MITF: variants seen among roughly 807,000 people sequenced by gnomAD.
The protein encoded by MITF is microphthalmia-associated transcription factor.
Under a neutral mutation model 60.5 loss-of-function variants are expected in MITF, and 17 were observed. The observed-to-expected ratio is 0.28, with a 90% CI of 0.19 to 0.42. The LOEUF (loss-of-function observed/expected upper bound fraction) is 0.42, where lower values mean the gene tolerates loss of function less well. Ranked by LOEUF, MITF falls within the 10% of genes least tolerant of loss-of-function variation. The pLI is 1.00. For synonymous variants in MITF, 260 were observed against 248.5 expected (o/e 1.05, Z -0.43); for missense variants, 622 against 683.5 (o/e 0.91, Z 1.00).
intron 2 of MITF, among the ~76,000 whole-genome samples, chr3:69,932,142 G>A (rs1026491893): frequency 6.6e-6 from 1 of 152,148 alleles, no homozygotes; most frequent in African/African-American, 2.4e-5. Context: ...CTAGTTTGGT[G>A]AAACTTTCCT....
intron 1 of MITF, among the ~76,000 whole-genome samples, chr3:69,820,787 A>G (rs1329538456): frequency 6.6e-6 from 1 of 152,178 alleles, no homozygotes; most frequent in Admixed American, 6.5e-5. Flanking sequence ...TTTGGGCAAC[A>G]TCGTGAAAAG....
At chr3:69,794,985 T>G (rs1467485545) in intron 1 of MITF, among the ~76,000 whole-genome samples, 1 of 152,336 alleles carries the variant, frequency 6.6e-6, no homozygotes, top group East Asian at 1.9e-4. Flanking sequence ...TATGAATAAT[T>G]TATTCAATCT....
chr3:69,900,636 CT>C (rs1202845932), intron 2 of MITF, among the ~76,000 whole-genome samples: 1 of 152,062 alleles, frequency 6.6e-6, no homozygotes, highest in Non-Finnish European at 1.5e-5. Context: ...GCAGCCAGCC[CT>C]TTTTTTGTTA....
intron 1 of MITF, among the ~76,000 whole-genome samples, chr3:69,847,555 G>A (rs780330691): frequency 6.6e-6 from 1 of 152,184 alleles, no homozygotes; most frequent in Admixed American, 6.5e-5. Flanking sequence ...TTAACTCCAA[G>A]AGTGTGTTAC....
At chr3:69,787,602 G>C (rs145916092) in intron 1 of MITF, among the ~76,000 whole-genome samples, 8 of 152,160 alleles carry the variant, frequency 5.3e-5, no homozygotes, top group Non-Finnish European at 1.2e-4. Context: ...GTATCTGGCC[G>C]TGGTTTTCTA....
intron 9 of MITF, among the ~76,000 whole-genome samples, chr3:69,959,655 T>C (rs1388326949): frequency 2.0e-5 from 3 of 152,220 alleles, no homozygotes; most frequent in Non-Finnish European, 2.9e-5. Context: ...GAGCTGCCCA[T>C]GGCACGCATT....
At chr3:69,946,241 A>T (rs1344217166) in intron 5 of MITF, among the ~76,000 whole-genome samples, 1 of 152,188 alleles carries the variant, frequency 6.6e-6, no homozygotes, top group Non-Finnish European at 1.5e-5. Context: ...TCACATAGCA[A>T]GTTCGTAAAG....
chr3:69,847,938 C>G (rs1264624078), intron 1 of MITF, among the ~76,000 whole-genome samples: 1 of 152,192 alleles, frequency 6.6e-6, no homozygotes, highest in South Asian at 2.1e-4. Flanking sequence ...AGAGCTCTTT[C>G]CACATTTAAT....
intron 2 of MITF, among the ~76,000 whole-genome samples, chr3:69,883,084 T>C (rs560079179): frequency 2.6e-5 from 4 of 152,314 alleles, no homozygotes; most frequent in Non-Finnish European, 4.4e-5. Context: ...CCTTGAATTT[T>C]TCTGTTCTGC....
intron 2 of MITF, among the ~76,000 whole-genome samples, chr3:69,913,182 A>G (rs1354007321): frequency 1.3e-5 from 2 of 152,124 alleles, no homozygotes; most frequent in Non-Finnish European, 2.9e-5. Context: ...TTAGCCTATA[A>G]ATAAAGCAGA....
At chr3:69,941,727 C>G (rs1045115182) in intron 5 of MITF, among the ~76,000 whole-genome samples, 4 of 152,128 alleles carry the variant, frequency 2.6e-5, no homozygotes, top group Admixed American at 2.6e-4. Context: ...TTCTCATATT[C>G]TTAGGTGATA....
At chr3:69,775,827 A>T (rs1217893401) in intron 1 of MITF, among the ~76,000 whole-genome samples, 2 of 152,224 alleles carry the variant, frequency 1.3e-5, no homozygotes, top group African/African-American at 4.8e-5. Flanking sequence ...CTGTGTGTAA[A>T]AAAGAAAAGC....
intron 2 of MITF, among the ~76,000 whole-genome samples, chr3:69,895,808 TTGTGTGTGTGTGTGTGTGTGTG>T (rs35088149): frequency 1.9e-3 from 264 of 140,144 alleles, no homozygotes; most frequent in African/African-American, 6.8e-3. Flanking sequence ...TGTGGAGTGT[TTGTGTGTGTGTGTGTGTGTGTG>T]TGTGTGTGTG....
intron 2 of MITF, among the ~76,000 whole-genome samples, chr3:69,885,051 A>AG (rs1053620498): frequency 9.2e-5 from 14 of 152,058 alleles, no homozygotes; most frequent in African/African-American, 3.4e-4. Context: ...CATGTAACTG[A>AG]GGGGTACAGC....
intron 1 of MITF, among the ~76,000 whole-genome samples, chr3:69,815,122 T>C (rs1200228834): frequency 2.0e-5 from 3 of 152,140 alleles, no homozygotes; most frequent in African/African-American, 4.8e-5. Flanking sequence ...AAATACAATA[T>C]GACCCAAGAC....
intron 1 of MITF, among the ~76,000 whole-genome samples, chr3:69,781,389 CT>C (rs560538878): frequency 1.7e-3 from 263 of 152,162 alleles, no homozygotes; most frequent in African/African-American, 5.9e-3. Context: ...TATCATGGCG[CT>C]TTTTGTTCTC....
At chr3:69,934,352 G>A (rs892691149) in intron 2 of MITF, among the ~76,000 whole-genome samples, 7 of 152,078 alleles carry the variant, frequency 4.6e-5, no homozygotes, top group East Asian at 3.9e-4. Context: ...ATGTATAATC[G>A]TGTGTTTTCA....
intron 1 of MITF, among the ~76,000 whole-genome samples, chr3:69,790,907 G>T (rs896379689): frequency 8.5e-5 from 13 of 152,136 alleles, no homozygotes; most frequent in African/African-American, 2.9e-4. Context: ...GTATTTGTAG[G>T]TTTAAGATAT....
intron 2 of MITF, among the ~76,000 whole-genome samples, chr3:69,907,839 C>T (rs1181462101): frequency 1.3e-5 from 2 of 152,154 alleles, no homozygotes. Flanking sequence ...GCAGTTTTCT[C>T]TGTGAACACA....
Sources: allele counts gnomAD v4.1 joint callset (sites outside exome capture counted in the v4.1 genomes callset), GRCh38; gene constraint gnomAD v4.1.1; transcripts MANE v1.5; gene names NCBI Gene and HGNC (gene_info 2026-07-23, HGNC 2026-07-21).